Variants in KALRN observed in about 807,000 individuals in gnomAD.
KALRN encodes the protein kalirin RhoGEF kinase.
Under a neutral mutation model 353.7 loss-of-function variants are expected in KALRN, and 70 were observed. The observed-to-expected ratio is 0.20, with a 90% CI of 0.16 to 0.24. KALRN has a LOEUF of 0.24. Among genes scored for constraint, KALRN ranks in the 10% least tolerant of loss-of-function variants. KALRN has a pLI of 1.00. For missense variants in KALRN, 2,791 were observed against 3,756.7 expected, an observed-to-expected ratio of 0.74 and a Z score of 6.72; for synonymous variants, 1,391 against 1,434.8, an observed-to-expected ratio of 0.97 and a Z score of 0.69.
At chr3:124,485,748 C>T (rs573223845) in intron 28 of KALRN, among the ~76,000 whole-genome samples, 2 of 152,142 alleles carry the variant, frequency 1.3e-5, no homozygotes, top group Admixed American at 6.5e-5. Context: ...GTCGTGGTGG[C>T]GTGCACCTGT....
At chr3:124,136,023 C>T (rs2065879144) in intron 1 of KALRN, among the ~76,000 whole-genome samples, 2 of 152,160 alleles carry the variant, frequency 1.3e-5, no homozygotes, top group South Asian at 4.1e-4. Context: ...TTCTCACTTG[C>T]CTGCATACCC....
chr3:124,688,614 GTTTA>G (rs2150550510), intron 51 of KALRN, among the ~76,000 whole-genome samples: 1 of 152,258 alleles, frequency 6.6e-6, no homozygotes, highest in South Asian at 2.1e-4. Flanking sequence ...TTTGGTTTAT[GTTTA>G]TTTGAGCGTT....
intron 1 of KALRN, among the ~76,000 whole-genome samples, chr3:124,084,682 T>C (rs2060715583): frequency 6.6e-6 from 1 of 152,236 alleles, no homozygotes; most frequent in Non-Finnish European, 1.5e-5. Context: ...CTGGGATTTT[T>C]TTGGCTTTGG....
intron 1 of KALRN, among the ~76,000 whole-genome samples, chr3:124,195,092 A>G (rs1233785923): frequency 1.3e-5 from 2 of 152,144 alleles, no homozygotes; most frequent in African/African-American, 2.4e-5. Flanking sequence ...AAGTTGGCTT[A>G]TTACTACTAG....
intron 18 of KALRN, 124 bp downstream of exon 18, chr3:124,439,161 CTT>C (rs2093582296): frequency 1.1e-5 from 9 of 851,218 alleles, no homozygotes; most frequent in Admixed American, 1.1e-4. Context: ...CTCTCTTTCT[CTT>C]TCTCCTCCTC....
chr3:124,398,131 G>A (rs150826151), intron 12 of KALRN, among the ~76,000 whole-genome samples: 5 of 152,308 alleles, frequency 3.3e-5, no homozygotes, highest in African/African-American at 1.2e-4. Flanking sequence ...CCTAAGTATA[G>A]CCTGAGCCTG....
At chr3:124,298,648 T>A in intron 5 of KALRN, 143 bp from the exon 6 acceptor site, 1 of 952,124 alleles carries the variant, frequency 1.1e-6, no homozygotes, top group Middle Eastern at 2.2e-4. Flanking sequence ...GCCCACCCCA[T>A]TAAGACCCCG....
At chr3:124,633,774 T>C in intron 35 of KALRN, 78 bp from the exon 36 acceptor site, 1 of 1,224,974 alleles carries the variant, frequency 8.2e-7, no homozygotes, top group Non-Finnish European at 1.2e-6. Flanking sequence ...TCCTATGTAT[T>C]ATTTTTGTTA....
chr3:124,691,956 C>G (rs992940410), intron 51 of KALRN, among the ~76,000 whole-genome samples: 2 of 152,234 alleles, frequency 1.3e-5, no homozygotes, highest in African/African-American at 2.4e-5. Context: ...TTCTCATCCA[C>G]TCCCCCATCC....
chr3:124,439,417 A>G (rs2093603153), intron 18 of KALRN, among the ~76,000 whole-genome samples: 1 of 152,206 alleles, frequency 6.6e-6, no homozygotes, highest in African/African-American at 2.4e-5. Context: ...TGTTACTACT[A>G]CTGCAATCTT....
chr3:124,674,322 C>T (rs1359351392), intron 48 of KALRN, 42 bp from the exon 49 acceptor site: 8 of 1,580,658 alleles, frequency 5.1e-6, no homozygotes, highest in East Asian at 2.3e-5. Context: ...TGTGAACTAG[C>T]GTCCTTGTGT....
chr3:124,536,453 C>G (rs904088781), intron 33 of KALRN, among the ~76,000 whole-genome samples: 9 of 152,180 alleles, frequency 5.9e-5, no homozygotes, highest in African/African-American at 2.2e-4. Flanking sequence ...TCGCCTGCCT[C>G]AGCCTCCCAA....
At chr3:124,441,917 A>G in intron 18 of KALRN, 28 bp from the exon 19 acceptor site, 1 of 1,405,948 alleles carries the variant, frequency 7.1e-7, no homozygotes, top group Non-Finnish European at 9.8e-7. Context: ...CTGCTGGGAC[A>G]GGGGCCTCAC....
At chr3:124,239,621 C>G (rs1370876232) in intron 3 of KALRN, among the ~76,000 whole-genome samples, 2 of 152,218 alleles carry the variant, frequency 1.3e-5, no homozygotes, top group East Asian at 3.8e-4. Flanking sequence ...TGCTCTTGTT[C>G]TACGGATTTC....
chr3:124,490,958 C>T (rs1159000447), intron 30 of KALRN, 74 bp downstream of exon 30: 4 of 1,339,504 alleles, frequency 3.0e-6, no homozygotes, highest in Admixed American at 2.0e-5. Context: ...GATCTGGACA[C>T]ACTCATCTCA....
At chr3:124,071,482 C>A (rs1577773579) in intron 1 of KALRN, among the ~76,000 whole-genome samples, 1 of 152,266 alleles carries the variant, frequency 6.6e-6, no homozygotes, top group East Asian at 1.9e-4. Context: ...AAGAGGAGAG[C>A]AGAAGACATC....
chr3:124,357,745 A>C (rs984050839), intron 10 of KALRN, among the ~76,000 whole-genome samples: 2 of 152,186 alleles, frequency 1.3e-5, no homozygotes, highest in African/African-American at 4.8e-5. Context: ...GCACAGTGCC[A>C]TAATCAGTTT....
chr3:124,323,602 C>T (rs1461308469), intron 6 of KALRN, among the ~76,000 whole-genome samples: 2 of 152,140 alleles, frequency 1.3e-5, no homozygotes, highest in Non-Finnish European at 2.9e-5. Context: ...CCCTGTGTGC[C>T]ATGGGAGGGA....
chr3:124,197,655 A>G (rs1041326568), intron 1 of KALRN, among the ~76,000 whole-genome samples: 2 of 152,126 alleles, frequency 1.3e-5, no homozygotes, highest in African/African-American at 4.8e-5. Context: ...GCTGTTTCCA[A>G]GGGGCTGCCA....
Sources: gnomAD v4.1 joint callset for allele counts (sites outside exome capture counted in the v4.1 genomes callset) on GRCh38, gnomAD v4.1.1 for gene constraint, MANE v1.5 for transcripts, NCBI Gene and HGNC (gene_info 2026-07-23, HGNC 2026-07-21) for gene names.